ASAH2B: variants seen among roughly 807,000 people sequenced by gnomAD.
The protein encoded by ASAH2B is putative inactive neutral ceramidase B.
In ASAH2B, 1 loss-of-function variant was observed where a neutral mutation model predicts 2.9. That is an observed-to-expected ratio of 0.34 (90% CI 0.12 to 1.63). The LOEUF (loss-of-function observed/expected upper bound fraction) is 1.63. ASAH2B is among the 40% of genes most tolerant of loss of function. The pLI, the probability that ASAH2B is intolerant of heterozygous loss-of-function variation, is 0.36. For synonymous variants in ASAH2B, 4 were observed against 13.3 expected (o/e 0.30, Z 1.52); for missense variants, 9 against 37.7 (o/e 0.24, Z 1.99).
At position 50,756,858 on chromosome 10, in the gene ASAH2B, A is replaced by T. The variant is rs1217717980; in HGVS notation, c.*2118A>T. The stretch of plus-strand genomic sequence containing the variant: ...TAATTGAACTTATCTGTTGATATAA[A>T]AACACAGATCCAATTCGTGTCTGTG... On this transcript the variant is annotated 3_prime_UTR_variant, in exon 6 of 6. Coordinates refer to ENST00000647317, the MANE Select transcript of ASAH2B (RefSeq NM_001321958.2). 2 of 151,762 alleles carry T rather than the reference A, an allele frequency of 1.3e-5. No individual in the cohort carries two copies. The highest frequency in any genetic ancestry group is 2.4e-5 in the African/African-American group (1 of 41,380). The allele number at this position is 151,762 out of a possible 1,614,324, so 9.4% of individuals were successfully genotyped here.
intron 3 of ASAH2B, among the ~76,000 whole-genome samples, chr10:50,747,815 C>G (rs1839930219): frequency 6.6e-6 from 1 of 151,846 alleles, no homozygotes; most frequent in African/African-American, 2.4e-5. Flanking sequence ...AAGGAGTTTT[C>G]TACTCATGTC....
In ASAH2B at chr10:50,754,924, G is replaced by A. The variant is rs1470963547; in HGVS notation, c.*184G>A. On this transcript the variant is annotated 3_prime_UTR_variant, in exon 6 of 6. Coordinates refer to ENST00000647317, the MANE Select transcript of ASAH2B (RefSeq NM_001321958.2). ...TGTGTGTGTGTGTGTGTGTGTGTGT[G>A]TGTGTGTGTGTGTATGTGAGAGAGA... 0.045 allele frequency: 13,156 copies of A among 292,714 alleles called. 122 individuals carry two copies. Among genetic ancestry groups the A allele is most frequent in the Admixed American group, 0.082 (1,041 of 12,760 alleles). The allele number at this position is 292,714 out of a possible 1,614,324, so 18.1% of individuals were successfully genotyped here.
chr10:50,747,656 A>G (rs1201621647), intron 3 of ASAH2B, among the ~76,000 whole-genome samples: 6 of 151,004 alleles, frequency 4.0e-5, no homozygotes, highest in Non-Finnish European at 7.4e-5. Flanking sequence ...TTTTTTTTCT[A>G]TTGAGGTGAC....
chr10:50,742,106 T>G (rs1471046516), intron 1 of ASAH2B, among the ~76,000 whole-genome samples: 3 of 152,186 alleles, frequency 2.0e-5, no homozygotes. Context: ...CCTGCACATG[T>G]ACCTCTGAAC....
intron 1 of ASAH2B, among the ~76,000 whole-genome samples, chr10:50,742,210 G>A (rs1305101192): frequency 6.6e-6 from 1 of 152,164 alleles, no homozygotes; most frequent in Non-Finnish European, 1.5e-5. Context: ...AGTAAGACAG[G>A]AAAATGAAAG....
intron 5 of ASAH2B, among the ~76,000 whole-genome samples, chr10:50,754,208 A>G (rs1390377746): frequency 2.7e-5 from 4 of 150,818 alleles, no homozygotes; most frequent in Non-Finnish European, 5.9e-5. Context: ...ATGTGAAAAT[A>G]AGTGTCAGAT....
In ASAH2B at chr10:50,757,229, T is replaced by C. The variant is rs1278709869; in HGVS notation, c.*2489T>C. On this transcript the variant is annotated 3_prime_UTR_variant, in exon 6 of 6. Transcript: ENST00000647317. ...AGGTAATGTAGACAAACGAACACTT[T>C]TTTAAAAAAAGAGGTGGAACAAAAG... 2 of 151,380 alleles carry C rather than the reference T, an allele frequency of 1.3e-5. No homozygotes were observed. The highest frequency in any genetic ancestry group is 3.0e-5 in the Non-Finnish European group (2 of 67,636). The allele number at this position is 151,380 out of a possible 1,614,324, so 9.4% of individuals were successfully genotyped here.
intron 2 of ASAH2B, chr10:50,744,830 C>A (rs1325935231): frequency 7.0e-6 from 3 of 428,540 alleles, no homozygotes; most frequent in African/African-American, 2.0e-5. Flanking sequence ...CAAGGTCAGA[C>A]AATTTGAAAG....
chr10:50,742,786 A>G (rs1245428659), intron 1 of ASAH2B, 129 bp from the exon 2 acceptor site: 12 of 887,890 alleles, frequency 1.4e-5, no homozygotes, highest in Non-Finnish European at 2.0e-5. Context: ...TGTCATACAT[A>G]ATCTTGAAGA....
intron 1 of ASAH2B, among the ~76,000 whole-genome samples, chr10:50,740,574 G>T (rs1839815228): frequency 6.6e-6 from 1 of 152,226 alleles, no homozygotes; most frequent in Admixed American, 6.5e-5. Flanking sequence ...GAAGGTACTA[G>T]TTTGGATTTC....
rs571691847 is a variant in ASAH2B at position 50,754,983 on chromosome 10, G to A, written c.*243G>A. 3 of 470,248 alleles carry A rather than the reference G, an allele frequency of 6.4e-6. No individual in the cohort carries two copies. Among genetic ancestry groups the A allele is most frequent in the Non-Finnish European group, 1.2e-5 (3 of 260,852 alleles). The allele number at this position is 470,248 out of a possible 1,614,324, so 29.1% of individuals were successfully genotyped here. A position where few individuals can be genotyped will look rare whatever the true frequency, so the allele number is the denominator to read the frequency against. The stretch of plus-strand genomic sequence containing the variant: ...GAGAGAGGTTTGTCCCATATATCTT[G>A]TTCCAGCAGCCATATATCTTGTGGT... On this transcript the variant is annotated 3_prime_UTR_variant, in exon 6 of 6. Coordinates refer to ENST00000647317, the MANE Select transcript of ASAH2B (RefSeq NM_001321958.2).
intron 1 of ASAH2B, among the ~76,000 whole-genome samples, chr10:50,740,719 T>G (rs2132716796): frequency 6.6e-6 from 1 of 152,344 alleles, no homozygotes; most frequent in African/African-American, 2.4e-5. Context: ...CCGCTTTTTT[T>G]CAATCAAGCT....
chr10:50,746,909 A>T (rs1588930778), intron 3 of ASAH2B, among the ~76,000 whole-genome samples: 1 of 150,190 alleles, frequency 6.7e-6, no homozygotes, highest in East Asian at 1.9e-4. Context: ...TTAACTCTTT[A>T]TTGGATGCAT....
chr10:50,746,476 C>T lies in ASAH2B; in HGVS notation c.144+1202C>T, dbSNP rs894119534. On this transcript the variant is annotated intron_variant, in intron 3 of 5. Transcript: ENST00000647317. ...GCAATAAACATGGGAGTTCACATAT[C>T]TCTTCAACAAACTGATTTCATTTCC... 5.9e-4 allele frequency among the ~76,000 whole-genome samples: 89 copies of T among 150,942 alleles called. 3 individuals are homozygous for T. Among genetic ancestry groups the T allele is most frequent in the African/African-American group, 2.0e-3 (83 of 40,602 alleles).
In ASAH2B at chr10:50,755,518, C is replaced by T. The variant is rs1588936206; in HGVS notation, c.*778C>T. On this transcript the variant is annotated 3_prime_UTR_variant, in exon 6 of 6. Coordinates refer to ENST00000647317, the MANE Select transcript of ASAH2B (RefSeq NM_001321958.2). Reference sequence around the variant, plus strand: ...CCCACTGGATTGTGTCTCTTACTCCCAAGACTTATTCCAAATGATTTTTTG... The same window carrying T: ...CCCACTGGATTGTGTCTCTTACTCCTAAGACTTATTCCAAATGATTTTTTG... 6.9e-6 allele frequency: 1 copy of T among 145,672 alleles called. No individual in the cohort carries two copies. 9.0% of individuals were successfully genotyped at this position (145,672 alleles called of 1,614,324 possible).
chr10:50,741,604 A>G (rs571755738), intron 1 of ASAH2B, among the ~76,000 whole-genome samples: 2 of 152,336 alleles, frequency 1.3e-5, no homozygotes, highest in African/African-American at 4.8e-5. Context: ...TGTATCCTAT[A>G]TAGAAGAAAC....
chr10:50,740,343 A>G (rs1402092080), intron 1 of ASAH2B, among the ~76,000 whole-genome samples: 2 of 152,116 alleles, frequency 1.3e-5, no homozygotes, highest in African/African-American at 2.4e-5. Flanking sequence ...ACTAAAATAT[A>G]GTAGAGAAGC....
chr10:50,740,856 C>G (rs574284095), intron 1 of ASAH2B, among the ~76,000 whole-genome samples: 2 of 152,262 alleles, frequency 1.3e-5, no homozygotes, highest in African/African-American at 4.8e-5. Flanking sequence ...ATGGGGTCTC[C>G]AGGCATCATT....
chr10:50,742,821 G>C (rs1321091102), intron 1 of ASAH2B, 94 bp from the exon 2 acceptor site: 1 of 1,207,690 alleles, frequency 8.3e-7, no homozygotes, highest in Non-Finnish European at 1.2e-6. Flanking sequence ...AATAATGTGA[G>C]ATGTCAAGCA....
Sources: gnomAD v4.1 joint callset for allele counts (sites outside exome capture counted in the v4.1 genomes callset) on GRCh38, gnomAD v4.1.1 for gene constraint, MANE v1.5 for transcripts, NCBI Gene and HGNC (gene_info 2026-07-23, HGNC 2026-07-21) for gene names.